Variants in SGCD observed in about 807,000 individuals in gnomAD.
The protein encoded by SGCD is sarcoglycan delta.
In SGCD, 18 loss-of-function variants were observed where a neutral mutation model predicts 36.6. That is an observed-to-expected ratio of 0.49 (90% CI 0.34 to 0.73). The LOEUF is 0.73. Among genes scored for constraint, SGCD ranks in the 30% least tolerant of loss-of-function variants. The pLI is 0.01. For missense variants in SGCD, 387 were observed against 346.7 expected (o/e 1.12, Z -0.92); for synonymous variants, 133 against 130.6 (o/e 1.02, Z -0.12).
intron 1 of SGCD, among the ~76,000 whole-genome samples, chr5:156,097,892 T>G (rs1581097872): frequency 6.6e-6 from 1 of 152,316 alleles, no homozygotes; most frequent in African/African-American, 2.4e-5. Flanking sequence ...TAAGTATTGG[T>G]CAAATTTTGT....
chr5:156,601,872 C>T (rs56770494), intron 6 of SGCD, among the ~76,000 whole-genome samples: 3,213 of 152,038 alleles, frequency 0.021, 114 homozygotes, highest in African/African-American at 0.073. Flanking sequence ...TTAGTAGAGA[C>T]GGGTTTCACC....
At chr5:156,258,548 A>G (rs999145383) in intron 3 of SGCD, among the ~76,000 whole-genome samples, 1 of 152,190 alleles carries the variant, frequency 6.6e-6, no homozygotes, top group Non-Finnish European at 1.5e-5. Flanking sequence ...TGTCTAAAAA[A>G]TGGCTATTAA....
chr5:156,257,716 T>C (rs1446766264), intron 3 of SGCD, among the ~76,000 whole-genome samples: 1 of 151,448 alleles, frequency 6.6e-6, no homozygotes, highest in African/African-American at 2.4e-5. Context: ...ACACAAAAAT[T>C]AGTCAGGTGT....
chr5:155,833,088 G>A, the SGCD span, among the ~76,000 whole-genome samples: 1 of 150,806 alleles, frequency 6.6e-6, no homozygotes, highest in Non-Finnish European at 1.5e-5. Context: ...AAATTAGCCA[G>A]GCATGGTGGG....
chr5:155,968,600 A>G (rs935763794), intron 1 of SGCD, among the ~76,000 whole-genome samples: 10 of 152,148 alleles, frequency 6.6e-5, no homozygotes, highest in African/African-American at 7.2e-5. Context: ...AAGCTTTATC[A>G]TAAGTATGTA....
rs530676390 is a variant in SGCD at position 156,315,942 on chromosome 5, C to T, written c.-43-13592C>T. Reference sequence around the variant, plus strand: ...AGTTCTTAAATATTTTGGATATTAACCCCTTATCAAATATATGGTTTTCTA... The same window carrying T: ...AGTTCTTAAATATTTTGGATATTAATCCCTTATCAAATATATGGTTTTCTA... On this transcript the variant is annotated intron_variant, in intron 3 of 9. Transcript: ENST00000517913. 1.3e-4 allele frequency among the ~76,000 whole-genome samples: 20 copies of T among 151,796 alleles called. No homozygotes were observed. In the South Asian group the frequency reaches 2.7e-3, roughly 20 times the overall value.
intron 1 of SGCD, among the ~76,000 whole-genome samples, chr5:156,079,324 T>A (rs1459675878): frequency 1.3e-5 from 2 of 152,286 alleles, no homozygotes; most frequent in East Asian, 1.9e-4. Context: ...TGAGACTTAG[T>A]GGGGACATAT....
At chr5:156,572,431 A>G (rs1428554397) in intron 4 of SGCD, among the ~76,000 whole-genome samples, 1 of 151,784 alleles carries the variant, frequency 6.6e-6, no homozygotes, top group Non-Finnish European at 1.5e-5. Flanking sequence ...TTTTTTTTCT[A>G]TTATAATTAT....
intron 1 of SGCD, among the ~76,000 whole-genome samples, chr5:155,966,005 T>G (rs1170422804): frequency 1.3e-5 from 2 of 152,090 alleles, no homozygotes; most frequent in African/African-American, 4.8e-5. Flanking sequence ...TTCATGAATT[T>G]GCTTCTTTGA....
Position 156,553,236 on chromosome 5 carries a change from A to G in SGCD, c.295-35995A>G, listed in dbSNP as rs544013502. Among the ~76,000 whole-genome samples, 13 of 152,314 alleles carry G rather than the reference A, an allele frequency of 8.5e-5. No individual in the cohort carries two copies. In the South Asian group the frequency reaches 2.7e-3, roughly 32 times the overall value. ...CAACCCCATGACCCAAACACCTCCC[A>G]GTAGGCCCCACCTCCATCAGTAGGG... On this transcript the variant is annotated intron_variant, in intron 4 of 8. Transcript: ENST00000337851.
At position 156,253,375 on chromosome 5, in the gene SGCD, C is replaced by G. The variant is rs200516660; in HGVS notation, c.-43-76159C>G. ...CAAATGACTAGGAGAGGCTAATTAGCATTTTTCAGTTTCAATTTTATATTT... is the reference window on the plus strand; with the variant it reads ...CAAATGACTAGGAGAGGCTAATTAGGATTTTTCAGTTTCAATTTTATATTT... On this transcript the variant is annotated intron_variant, in intron 3 of 9. Transcript: ENST00000517913. Among the ~76,000 whole-genome samples the G allele has an allele frequency of 2.6e-5, 4 of 152,160 alleles. No individual in the cohort carries two copies. In the East Asian group the frequency reaches 7.7e-4, roughly 29 times the overall value.
intron 1 of SGCD, among the ~76,000 whole-genome samples, chr5:155,951,110 G>T (rs1180814138): frequency 6.6e-6 from 1 of 152,142 alleles, no homozygotes; most frequent in South Asian, 2.1e-4. Flanking sequence ...CACAAGATGC[G>T]GATTTCACAT....
the SGCD span, among the ~76,000 whole-genome samples, chr5:155,838,850 C>G: frequency 4.0e-5 from 6 of 150,248 alleles, no homozygotes; most frequent in Non-Finnish European, 8.8e-5. Context: ...TAAAAATGTG[C>G]TATTTATGTT....
At chr5:156,335,262 C>T (rs1202553981) in intron 2 of SGCD, among the ~76,000 whole-genome samples, 1 of 152,200 alleles carries the variant, frequency 6.6e-6, no homozygotes, top group Non-Finnish European at 1.5e-5. Context: ...TCTTCTGGTT[C>T]ATCAGAGATA....
upstream of SGCD, chr5:156,326,966 C>G (rs886868321): frequency 1.3e-5 from 2 of 152,262 alleles, no homozygotes; most frequent in African/African-American, 4.8e-5. Flanking sequence ...AGCTGTGAGT[C>G]GGTCTGACAA....
At position 156,056,543 on chromosome 5, in the gene SGCD, C is replaced by T. The variant is rs113823945; in HGVS notation, c.-281-61335C>T. On this transcript the variant is annotated intron_variant, in intron 1 of 9. Coordinates refer to the SGCD transcript ENST00000517913. ...CTAGTTCTGCCATCTCACCCAGGAA[C>T]AGAAGACAGCAAGAAGAACACACTT... Among the ~76,000 whole-genome samples the T allele has an allele frequency of 4.9e-5, 7 of 141,544 alleles. 1 individual carries two copies. Among genetic ancestry groups the T allele is most frequent in the African/African-American group, 7.6e-5 (3 of 39,464 alleles). The allele number at this position is 141,544 out of a possible 152,430, so 92.9% of individuals were successfully genotyped here.
the SGCD span, among the ~76,000 whole-genome samples, chr5:155,804,537 G>C: frequency 6.6e-6 from 1 of 152,186 alleles, no homozygotes; most frequent in Admixed American, 6.5e-5. Flanking sequence ...GGACGCTGGT[G>C]CTTAGGGCCC....
intron 3 of SGCD, among the ~76,000 whole-genome samples, chr5:156,492,089 G>A (rs1755971776): frequency 6.6e-6 from 1 of 152,154 alleles, no homozygotes; most frequent in African/African-American, 2.4e-5. Flanking sequence ...ATGATTGCAT[G>A]TCTTTCAGGA....
At chr5:155,778,888 A>G in the SGCD span, among the ~76,000 whole-genome samples, 2 of 152,194 alleles carry the variant, frequency 1.3e-5, no homozygotes, top group African/African-American at 2.4e-5. Flanking sequence ...TAGTCACTCA[A>G]AAATGAATTA....
Sources: gnomAD v4.1 joint callset for allele counts (sites outside exome capture counted in the v4.1 genomes callset) on GRCh38, gnomAD v4.1.1 for gene constraint, MANE v1.5 for transcripts, NCBI Gene and HGNC (gene_info 2026-07-23, HGNC 2026-07-21) for gene names.